OR2L13: variants seen among roughly 807,000 people sequenced by gnomAD.
OR2L13 encodes olfactory receptor 2L13.
A neutral mutation model predicts 15.3 loss-of-function variants in OR2L13; 14 were observed. The ratio of observed to expected loss-of-function variants is 0.91; its 90% CI spans 0.60 to 1.43. The LOEUF (loss-of-function observed/expected upper bound fraction) is 1.43. Among genes scored for constraint, OR2L13 ranks in the 40% most tolerant of loss-of-function variants. OR2L13 has a pLI of 0.00. For synonymous variants in OR2L13, 152 were observed against 142.9 expected, an observed-to-expected ratio of 1.06 and a Z score of -0.45; for missense variants, 367 against 387.9, an observed-to-expected ratio of 0.95 and a Z score of 0.45.
At chr1:248,082,763 A>T in the OR2L13 span, among the ~76,000 whole-genome samples, 1 of 152,208 alleles carries the variant, frequency 6.6e-6, no homozygotes, top group East Asian at 1.9e-4. Context: ...ATGCCTTGGC[A>T]GAAGTAAGGT....
At chr1:247,958,707 TG>T in the OR2L13 span, among the ~76,000 whole-genome samples, 1 of 152,214 alleles carries the variant, frequency 6.6e-6, no homozygotes, top group Non-Finnish European at 1.5e-5. Flanking sequence ...TGGCCTTCTT[TG>T]TCTCTTTTGA....
the OR2L13 span, among the ~76,000 whole-genome samples, chr1:248,086,195 AATTAG>A: frequency 1.3e-5 from 2 of 152,140 alleles, no homozygotes; most frequent in Non-Finnish European, 1.5e-5. Context: ...ATAAAATATT[AATTAG>A]ATTAGTGAGC....
At chr1:248,058,394 G>C in the OR2L13 span, among the ~76,000 whole-genome samples, 53 of 152,154 alleles carry the variant, frequency 3.5e-4, no homozygotes, top group East Asian at 8.9e-3. Context: ...ATCACCCCCA[G>C]GTTCCTTACA....
chr1:248,035,050 CT>C, the OR2L13 span, among the ~76,000 whole-genome samples: 2,846 of 140,656 alleles, frequency 0.02, 55 homozygotes, highest in African/African-American at 0.059. Flanking sequence ...TTATCTTTCC[CT>C]TTTTTTTTTT....
At chr1:247,941,515 G>T in the OR2L13 span, among the ~76,000 whole-genome samples, 2 of 152,126 alleles carry the variant, frequency 1.3e-5, no homozygotes, top group African/African-American at 2.4e-5. Context: ...TTATATGCAT[G>T]ATACTTGGAG....
the OR2L13 span, among the ~76,000 whole-genome samples, chr1:247,986,204 G>A: frequency 2.0e-5 from 3 of 152,068 alleles, no homozygotes; most frequent in African/African-American, 7.2e-5. Flanking sequence ...TGTCCTGAAT[G>A]GTATTGCCTA....
chr1:248,003,717 G>A, the OR2L13 span: 5 of 1,613,424 alleles, frequency 3.1e-6, no homozygotes, highest in South Asian at 1.1e-5. Context: ...GTCTATGAGG[G>A]CACAGTGCTT....
the OR2L13 span, chr1:248,003,733 T>G: frequency 6.2e-7 from 1 of 1,613,840 alleles, no homozygotes; most frequent in South Asian, 1.1e-5. Flanking sequence ...TGCTTTTGAG[T>G]GCCACCATCT....
chr1:248,009,380 G>A, the OR2L13 span, among the ~76,000 whole-genome samples: 1 of 152,250 alleles, frequency 6.6e-6, no homozygotes, highest in East Asian at 1.9e-4. Flanking sequence ...TATCATCAGA[G>A]AATACTATAA....
chr1:248,074,805 C>T, the OR2L13 span, among the ~76,000 whole-genome samples: 2 of 152,058 alleles, frequency 1.3e-5, no homozygotes, highest in East Asian at 1.9e-4. Context: ...AAACTGCACA[C>T]GTACCCCTTG....
the OR2L13 span, among the ~76,000 whole-genome samples, chr1:248,079,966 T>A: frequency 6.6e-6 from 1 of 152,182 alleles, no homozygotes; most frequent in Non-Finnish European, 1.5e-5. Flanking sequence ...AAAATATTGA[T>A]ATCCAACATG....
At chr1:248,038,839 C>G in the OR2L13 span, 4 of 1,614,044 alleles carry the variant, frequency 2.5e-6, no homozygotes, top group Non-Finnish European at 3.4e-6. Context: ...TGCACAGACA[C>G]TTGGGTCTAT....
the OR2L13 span, among the ~76,000 whole-genome samples, chr1:247,946,088 CTAAGTG>C: frequency 6.6e-6 from 1 of 151,942 alleles, no homozygotes; most frequent in Non-Finnish European, 1.5e-5. Context: ...TTGGTTTATT[CTAAGTG>C]TTTCATTTCT....
At chr1:248,080,612 C>T in the OR2L13 span, among the ~76,000 whole-genome samples, 2 of 152,102 alleles carry the variant, frequency 1.3e-5, no homozygotes, top group African/African-American at 2.4e-5. Context: ...TAAACTCATC[C>T]TTTCTAATGG....
At chr1:248,066,311 CA>C in the OR2L13 span, among the ~76,000 whole-genome samples, 2 of 152,078 alleles carry the variant, frequency 1.3e-5, no homozygotes, top group Admixed American at 6.5e-5. Flanking sequence ...TAGACCTTGG[CA>C]AAAAAACTCA....
the OR2L13 span, among the ~76,000 whole-genome samples, chr1:248,064,257 T>G: frequency 9.8e-5 from 15 of 152,286 alleles, no homozygotes; most frequent in Admixed American, 2.0e-4. Flanking sequence ...TGAATAAGAT[T>G]AATGCCTTTC....
At chr1:247,948,809 C>T in the OR2L13 span, 22 of 1,483,440 alleles carry the variant, frequency 1.5e-5, no homozygotes, top group Middle Eastern at 1.8e-4. Context: ...AATTACTGTA[C>T]GTAAATTACT....
At chr1:248,042,210 A>G in the OR2L13 span, 1 of 152,134 alleles carries the variant, frequency 6.6e-6, no homozygotes, top group Non-Finnish European at 1.5e-5. Context: ...TTGTAGGGAC[A>G]TGGATGAAAT....
At chr1:248,092,758 A>AT (rs959309031), upstream of OR2L13, among the ~76,000 whole-genome samples, 2 of 152,138 alleles carry the variant, frequency 1.3e-5, no homozygotes, top group East Asian at 1.9e-4. Context: ...TACATCCTGG[A>AT]TTTTTTTTAA....
Sources: allele counts gnomAD v4.1 joint callset (sites outside exome capture counted in the v4.1 genomes callset), GRCh38; gene constraint gnomAD v4.1.1; transcripts MANE v1.5; gene names NCBI Gene and HGNC (gene_info 2026-07-23, HGNC 2026-07-21).